Variants in PPP2R2B observed in about 807,000 individuals in gnomAD.
PPP2R2B encodes the protein serine/threonine-protein phosphatase 2A 55 kDa regulatory subunit B beta isoform.
A neutral mutation model predicts 46.0 loss-of-function variants in PPP2R2B; 5 were observed. That is an observed-to-expected ratio of 0.11 (90% CI 0.06 to 0.23). The LOEUF (loss-of-function observed/expected upper bound fraction) is 0.23, where lower values mean the gene tolerates loss of function less well. PPP2R2B is among the 10% of genes least tolerant of loss of function. The pLI, the probability that PPP2R2B is intolerant of heterozygous loss-of-function variation, is 1.00. For synonymous variants in PPP2R2B, 215 were observed against 206.7 expected (o/e 1.04, Z -0.34); for missense variants, 367 against 575.0 (o/e 0.64, Z 3.70).
chr5:146,584,801 C>T lies in PPP2R2B; in HGVS notation c.*5146G>A, dbSNP rs1297387729. ...AAGGGGTAGGCTAGTTCTAGTATGT[C>T]GAAAATGTGTTTCTAATGGAAGGAG... is the stretch of plus-strand genomic sequence containing the variant. On this transcript the variant is annotated 3_prime_UTR_variant, in exon 10 of 10. Coordinates refer to ENST00000394411, the MANE Select transcript of PPP2R2B (RefSeq NM_181675.4). The T allele has an allele frequency of 2.6e-5, 4 of 152,054 alleles. No individual in the cohort carries two copies. The highest frequency in any genetic ancestry group is 6.5e-5 in the Admixed American group (1 of 15,272). The allele number at this position is 152,054 out of a possible 1,614,324, so 9.4% of individuals were successfully genotyped here.
chr5:146,710,647 C>T lies in PPP2R2B; in HGVS notation c.71-9505G>A, dbSNP rs560726274. On this transcript the variant is annotated intron_variant, in intron 2 of 9. Transcript: ENST00000394411. ...CTGTCAAGGTGTTTACCATCTGTCA[C>T]CCAATTTTTCAAAAAGCAGAGGAGT... 1.1e-4 allele frequency among the ~76,000 whole-genome samples: 16 copies of T among 152,308 alleles called. No homozygotes were observed. In the East Asian group the frequency reaches 3.1e-3, roughly 29 times the overall value.
intron 2 of PPP2R2B, among the ~76,000 whole-genome samples, chr5:146,834,089 T>C (rs763441733): frequency 1.3e-5 from 2 of 152,218 alleles, no homozygotes; most frequent in African/African-American, 2.4e-5. Context: ...TATACTTTTA[T>C]GATACCTTGA....
chr5:146,989,652 G>A (rs1753599401), intron 1 of PPP2R2B, among the ~76,000 whole-genome samples: 1 of 152,024 alleles, frequency 6.6e-6, no homozygotes, highest in African/African-American at 2.4e-5. Context: ...TATGGAATAG[G>A]CAAAAGTTGA....
chr5:147,002,971 C>G (rs13185770), intron 1 of PPP2R2B, among the ~76,000 whole-genome samples: 72,993 of 151,182 alleles, frequency 0.48, 18,743 homozygotes, highest in Middle Eastern at 0.58. Flanking sequence ...AAAGAGGCAG[C>G]TCATTTTTTT....
At chr5:147,024,376 G>A (rs1488195863) in intron 1 of PPP2R2B, among the ~76,000 whole-genome samples, 1 of 152,048 alleles carries the variant, frequency 6.6e-6, no homozygotes, top group Non-Finnish European at 1.5e-5. Context: ...ATAATATTTG[G>A]TAATTTCAAC....
At chr5:146,688,371 T>C (rs529615606) in intron 5 of PPP2R2B, among the ~76,000 whole-genome samples, 27 of 151,602 alleles carry the variant, frequency 1.8e-4, no homozygotes, top group African/African-American at 5.3e-4. Flanking sequence ...TAGAGTCCAG[T>C]GACCGCAGAC....
intron 1 of PPP2R2B, among the ~76,000 whole-genome samples, chr5:146,899,422 A>G (rs966636581): frequency 5.7e-5 from 8 of 141,468 alleles, no homozygotes; most frequent in African/African-American, 2.1e-4. Flanking sequence ...GGAATTGAAC[A>G]ATGAGATCAC....
intron 2 of PPP2R2B, among the ~76,000 whole-genome samples, chr5:146,788,529 A>G (rs1342039544): frequency 1.3e-5 from 2 of 152,152 alleles, no homozygotes; most frequent in East Asian, 3.9e-4. Context: ...CCAGGAGTTC[A>G]AGACCAGCCC....
chr5:146,877,876 G>A (rs1761989403), intron 2 of PPP2R2B, 126 bp downstream of exon 2: 1 of 1,153,324 alleles, frequency 8.7e-7, no homozygotes, highest in East Asian at 2.6e-5. Context: ...GGGGCCAGCC[G>A]AGCCCCCGCC....
chr5:146,931,641 T>G (rs6882898), intron 1 of PPP2R2B, among the ~76,000 whole-genome samples: 1 of 151,996 alleles, frequency 6.6e-6, no homozygotes, highest in East Asian at 1.9e-4. Flanking sequence ...TTGAAGTCAC[T>G]TTTAGCTTCT....
intron 2 of PPP2R2B, among the ~76,000 whole-genome samples, chr5:146,818,624 G>A (rs1290017437): frequency 2.6e-5 from 4 of 152,176 alleles, no homozygotes; most frequent in Non-Finnish European, 4.4e-5. Context: ...CTTAAGTTAT[G>A]TAATTTTCTC....
At chr5:147,050,980 T>C (rs1756785914) in intron 1 of PPP2R2B, among the ~76,000 whole-genome samples, 1 of 151,912 alleles carries the variant, frequency 6.6e-6, no homozygotes, top group Non-Finnish European at 1.5e-5. Context: ...ATTGAGTCCT[T>C]CATTTAAGAA....
intron 1 of PPP2R2B, among the ~76,000 whole-genome samples, chr5:146,980,530 G>C (rs1156577409): frequency 6.6e-6 from 1 of 152,150 alleles, no homozygotes; most frequent in African/African-American, 2.4e-5. Context: ...AGGAAGGAGA[G>C]GAAGGAAGGC....
In PPP2R2B at chr5:146,602,610, T is replaced by G. The variant is rs541804289; in HGVS notation, c.791-2150A>C. Among the ~76,000 whole-genome samples the G allele has an allele frequency of 3.3e-5, 5 of 152,222 alleles. No homozygotes were observed. In the East Asian group the frequency reaches 9.6e-4, roughly 29 times the overall value. ...CTGCTCAATGCACTCGCATAGTCAGTAATGAATTCTATATAAAGAACCCAA... is the reference window on the plus strand; with the variant it reads ...CTGCTCAATGCACTCGCATAGTCAGGAATGAATTCTATATAAAGAACCCAA... On this transcript the variant is annotated intron_variant, in intron 7 of 9. Transcript: ENST00000394411.
chr5:147,066,893 C>G (rs1156839831), intron 2 of PPP2R2B, among the ~76,000 whole-genome samples: 1 of 152,060 alleles, frequency 6.6e-6, no homozygotes, highest in Non-Finnish European at 1.5e-5. Flanking sequence ...ATGTGATTAG[C>G]CTGGGTGTTG....
chr5:147,038,560 G>A (rs554103340), intron 1 of PPP2R2B, among the ~76,000 whole-genome samples: 2 of 152,174 alleles, frequency 1.3e-5, no homozygotes, highest in East Asian at 1.9e-4. Flanking sequence ...TGGCTGGTGC[G>A]ATAAAAGGAT....
At chr5:147,077,070 A>G (rs2151913182) in intron 2 of PPP2R2B, among the ~76,000 whole-genome samples, 1 of 147,892 alleles carries the variant, frequency 6.8e-6, no homozygotes, top group African/African-American at 2.5e-5. Context: ...CAATACATAT[A>G]TATTACATAC....
At chr5:146,879,353 A>G (rs1051698422), upstream of PPP2R2B, among the ~76,000 whole-genome samples, 4 of 152,168 alleles carry the variant, frequency 2.6e-5, no homozygotes, top group Non-Finnish European at 5.9e-5. Context: ...TCAATAAAGC[A>G]TCTGTGTCTA....
Position 146,638,241 on chromosome 5 carries a change from T to G in PPP2R2B, c.790+10A>C. The G allele has an allele frequency of 6.2e-7, 1 of 1,611,482 alleles. No homozygotes were observed. The highest frequency in any genetic ancestry group is 1.3e-5 in the African/African-American group (1 of 75,016). On this transcript the variant is annotated intron_variant, in intron 7 of 9. Coordinates refer to ENST00000394411, the MANE Select transcript of PPP2R2B (RefSeq NM_181675.4). ...GCCATGCCCCCCACCTCCCTTCAGT[T>G]GCTACTCACATTTGGTGTGCCTGTC...
Sources: allele counts gnomAD v4.1 joint callset (sites outside exome capture counted in the v4.1 genomes callset), GRCh38; gene constraint gnomAD v4.1.1; transcripts MANE v1.5; gene names NCBI Gene and HGNC (gene_info 2026-07-23, HGNC 2026-07-21).